TRAK1: variants seen among roughly 807,000 people sequenced by gnomAD.
TRAK1 encodes trafficking kinesin-binding protein 1.
In TRAK1, 33 loss-of-function variants were observed where a neutral mutation model predicts 92.1. That is an observed-to-expected ratio of 0.36 (90% CI 0.27 to 0.48). TRAK1 has a LOEUF of 0.48. Ranked by LOEUF, TRAK1 falls within the 20% of genes least tolerant of loss-of-function variation. The pLI, the probability that TRAK1 is intolerant of heterozygous loss-of-function variation, is 0.99. For synonymous variants in TRAK1, 521 were observed against 517.3 expected (o/e 1.01, Z -0.10); for missense variants, 1,123 against 1,257.9 (o/e 0.89, Z 1.62).
At chr3:42,071,412 A>G (rs1703925566) in intron 1 of TRAK1, among the ~76,000 whole-genome samples, 1 of 152,092 alleles carries the variant, frequency 6.6e-6, no homozygotes, top group Non-Finnish European at 1.5e-5. Flanking sequence ...GCCTTCCCAT[A>G]GATACCCACT....
intron 1 of TRAK1, among the ~76,000 whole-genome samples, chr3:42,061,774 A>G (rs1703453980): frequency 1.3e-5 from 2 of 152,210 alleles, no homozygotes; most frequent in Admixed American, 1.3e-4. Context: ...TTATTAACTA[A>G]TGAATCAGGA....
rs754914129 is a variant in TRAK1 at position 42,223,366 on chromosome 3, G to C, written c.2491G>C (p.Glu831Gln). 2 of 1,614,212 alleles carry C rather than the reference G, an allele frequency of 1.2e-6. No homozygotes were observed. The highest frequency in any genetic ancestry group is 1.1e-5 in the South Asian group (1 of 91,088). Reference sequence around the variant, plus strand: ...GAGAGAAAAGAACGTCCGCAGCAGCGAGAGCCAGACCGACGTGTCCGTCTC... The same window carrying C: ...GAGAGAAAAGAACGTCCGCAGCAGCCAGAGCCAGACCGACGTGTCCGTCTC... Reference protein sequence around the residue: ...EVREKNVRSSESQTDVSVSNL... With the variant: ...EVREKNVRSSQSQTDVSVSNL... The change falls in exon 16 of 16, where the codon GAG becomes CAG. Residue 831 changes from glutamate (E) to glutamine (Q), a missense_variant. This residue lies in a region of TRAK1 where 401 missense variants were observed against 438.9 expected (regional missense o/e 0.91). Coordinates refer to ENST00000327628, the MANE Select transcript of TRAK1 (RefSeq NM_001042646.3). This position sits in a 1 kb window ranked among gnomAD's most constrained non-coding sequence, Gnocchi z 6.1.
chr3:42,013,432 T>G (rs1221042795), upstream of TRAK1, among the ~76,000 whole-genome samples: 1 of 152,002 alleles, frequency 6.6e-6, no homozygotes, highest in African/African-American at 2.4e-5. The surrounding 1 kb of genome is among the most constrained non-coding windows in gnomAD (Gnocchi z 5.1). Context: ...ACCGGATACT[T>G]CTCTGTGCCC....
intron 1 of TRAK1, chr3:42,051,103 A>G (rs1702961508): frequency 6.6e-6 from 1 of 152,260 alleles, no homozygotes; most frequent in African/African-American, 2.4e-5. Context: ...TCCTGGGCAC[A>G]AGCAGTCTAC....
At chr3:42,207,189 G>A (rs1708431467) in intron 13 of TRAK1, among the ~76,000 whole-genome samples, 1 of 152,158 alleles carries the variant, frequency 6.6e-6, no homozygotes, top group South Asian at 2.1e-4. Context: ...AACTGAACAT[G>A]GCAGTACAGT....
At chr3:42,161,287 G>T (rs1701244982) in intron 2 of TRAK1, among the ~76,000 whole-genome samples, 1 of 152,196 alleles carries the variant, frequency 6.6e-6, no homozygotes, top group Admixed American at 6.5e-5. Context: ...AATGACTAAT[G>T]TTCTTTAGGT....
rs186683015 is a variant in TRAK1, at chr3:42,105,669, C to T, written c.91+14109C>T. Among the ~76,000 whole-genome samples the T allele has an allele frequency of 2.7e-3, 415 of 152,166 alleles. 1 individual carries two copies. Among genetic ancestry groups the T allele is most frequent in the African/African-American group, 9.4e-3 (389 of 41,504 alleles). ...ATTCAAATTCAGGAAATACAGAGAA[C>T]GGCACAAAGATACTCCTCAAGAAGA... is the stretch of plus-strand genomic sequence containing the variant. On this transcript the variant is annotated intron_variant, in intron 1 of 15. Coordinates refer to ENST00000327628, the MANE Select transcript of TRAK1 (RefSeq NM_001042646.3).
chr3:42,164,232 G>A (rs1346383206), intron 2 of TRAK1, among the ~76,000 whole-genome samples: 1 of 152,202 alleles, frequency 6.6e-6, no homozygotes. Context: ...CGTGTTACCT[G>A]GATTTCAAGG....
At chr3:42,022,127 A>G (rs1021835514) in intron 1 of TRAK1, among the ~76,000 whole-genome samples, 2 of 152,152 alleles carry the variant, frequency 1.3e-5, no homozygotes, top group Admixed American at 6.5e-5. Flanking sequence ...TCACCCATCA[A>G]CTAGCTTCTC....
intron 2 of TRAK1, among the ~76,000 whole-genome samples, chr3:42,133,830 T>A (rs1398853752): frequency 6.6e-6 from 1 of 152,224 alleles, no homozygotes; most frequent in African/African-American, 2.4e-5. Flanking sequence ...TTACAATTGT[T>A]TTATCTAAAT....
intron 2 of TRAK1, among the ~76,000 whole-genome samples, chr3:42,175,241 G>C (rs1328478849): frequency 6.6e-6 from 1 of 152,040 alleles, no homozygotes; most frequent in Non-Finnish European, 1.5e-5. Context: ...GTGCTGGCTG[G>C]GGGGCCCCAG....
intron 1 of TRAK1, among the ~76,000 whole-genome samples, chr3:42,041,954 A>T (rs1199685995): frequency 6.6e-6 from 1 of 152,034 alleles, no homozygotes; most frequent in Non-Finnish European, 1.5e-5. Flanking sequence ...CACCACACCC[A>T]GCTACTTTTG....
chr3:42,216,401 G>C (rs1031177180), intron 14 of TRAK1, among the ~76,000 whole-genome samples: 1 of 152,176 alleles, frequency 6.6e-6, no homozygotes, highest in African/African-American at 2.4e-5. Flanking sequence ...GGCACTCAGT[G>C]CCACTTACCA....
chr3:42,054,470 A>G (rs979159319), intron 1 of TRAK1, among the ~76,000 whole-genome samples: 1 of 152,184 alleles, frequency 6.6e-6, no homozygotes, highest in Non-Finnish European at 1.5e-5. Flanking sequence ...TAAGCAGGAG[A>G]ATCATAAATA....
chr3:42,180,179 C>G (rs1377787795), intron 3 of TRAK1, among the ~76,000 whole-genome samples: 3 of 152,136 alleles, frequency 2.0e-5, no homozygotes, highest in South Asian at 2.1e-4. Context: ...ACTAGAGACA[C>G]TACAATAACG....
chr3:42,202,481 C>T lies in TRAK1; in HGVS notation c.1473C>T (p.Gly491=). ...AGCCGGGGACGCCGGGCACCCCAGG[C>T]TCCCACGACCTGGAGACGGCGCTGA... ...SKKPGTPGTP[G]SHDLETALRR... Residue 491 remains glycine, a synonymous_variant, in exon 13 of 16, where the codon GGC becomes GGT. Transcript: ENST00000327628. This position sits in a 1 kb window ranked among gnomAD's most constrained non-coding sequence, Gnocchi z 6.1. 6.7e-7 allele frequency: 1 copy of T among 1,499,578 alleles called. No homozygotes were observed. Among genetic ancestry groups the T allele is most frequent in the Non-Finnish European group, 8.9e-7 (1 of 1,121,332 alleles). The allele number at this position is 1,499,578 out of a possible 1,614,324, so 92.9% of individuals were successfully genotyped here.
chr3:42,137,292 T>C (rs1481660750), intron 2 of TRAK1, among the ~76,000 whole-genome samples: 1 of 152,242 alleles, frequency 6.6e-6, no homozygotes, highest in Non-Finnish European at 1.5e-5. Context: ...AACACATGGG[T>C]GAATACCCTT....
chr3:42,101,953 A>C lies in TRAK1; in HGVS notation c.91+10393A>C, dbSNP rs1706822395. Among the ~76,000 whole-genome samples, 6 of 152,068 alleles carry C rather than the reference A, an allele frequency of 3.9e-5. No individual in the cohort carries two copies. In the South Asian group the frequency reaches 1.2e-3, roughly 32 times the overall value. On this transcript the variant is annotated intron_variant, in intron 1 of 15. Transcript: ENST00000327628. ...GGTCATTGAAAATCCCGGCAACCAA[A>C]GCTTATTGTTCTTAAGTATGAAATA...
At position 42,223,242 on chromosome 3, in the gene TRAK1, A is replaced by C; in HGVS notation, c.2367A>C (p.Thr789=). The C allele has an allele frequency of 1.2e-6, 2 of 1,614,076 alleles. No homozygotes were observed. The highest frequency in any genetic ancestry group is 1.7e-6 in the Non-Finnish European group (2 of 1,180,004). ...CTCCGCCGAACTCGCCTATGCAGAC[A>C]CCCACATCCTCCCCACCCTCCTTTG... The part of the protein sequence containing the change: ...PSTPPNSPMQ[T]PTSSPPSFEF... The change falls in exon 16 of 16, where the codon ACA becomes ACC. Residue 789 remains threonine (T), a synonymous_variant. Coordinates refer to ENST00000327628, the MANE Select transcript of TRAK1 (RefSeq NM_001042646.3). The surrounding 1 kb of genome is among the most constrained non-coding windows in gnomAD (Gnocchi z 6.1).
Sources: gnomAD v4.1 joint callset for allele counts (sites outside exome capture counted in the v4.1 genomes callset) on GRCh38, gnomAD v4.1.1 for gene constraint, gnomAD v4.1.1 regional missense constraint, Gnocchi (gnomAD v3.1) non-coding constraint, MANE v1.5 for transcripts, NCBI Gene and HGNC (gene_info 2026-07-23, HGNC 2026-07-21) for gene names.